The following FAM174A variants were observed in gnomAD, a reference collection of about 807,000 sequenced individuals.
FAM174A encodes the protein membrane protein FAM174A.
In FAM174A, 14 loss-of-function variants were observed where a neutral mutation model predicts 14.3. That is an observed-to-expected ratio of 0.98 (90% confidence interval 0.65 to 1.53). The LOEUF is 1.53. FAM174A is among the 40% of genes most tolerant of loss of function. FAM174A has a pLI of 0.00. For synonymous variants in FAM174A, 108 were observed against 111.4 expected (o/e 0.97, Z 0.19); for missense variants, 241 against 249.6 (o/e 0.97, Z 0.23).
chr5:100,559,005 C>T (rs71544098), intron 1 of FAM174A, among the ~76,000 whole-genome samples: 1 of 151,924 alleles, frequency 6.6e-6, no homozygotes, highest in African/African-American at 2.4e-5. Context: ...TATTCTGCTC[C>T]TTAGTTGATG....
At chr5:100,557,353 G>C (rs1213929558) in intron 1 of FAM174A, among the ~76,000 whole-genome samples, 2 of 152,030 alleles carry the variant, frequency 1.3e-5, no homozygotes, top group African/African-American at 4.8e-5. Flanking sequence ...TTTTATTGAG[G>C]ATTTTTGCAT....
intron 1 of FAM174A, among the ~76,000 whole-genome samples, chr5:100,545,269 T>C (rs1430339341): frequency 6.6e-6 from 1 of 152,246 alleles, no homozygotes; most frequent in African/African-American, 2.4e-5. Flanking sequence ...ATTTGCATTG[T>C]TCAGTATGAT....
chr5:100,566,592 T>G (rs1488575843), intron 2 of FAM174A, among the ~76,000 whole-genome samples: 2 of 151,858 alleles, frequency 1.3e-5, no homozygotes, highest in African/African-American at 4.8e-5. Context: ...TTAAGTGTTC[T>G]TGATACACAC....
chr5:100,548,694 A>G (rs1746207918), intron 1 of FAM174A, among the ~76,000 whole-genome samples: 1 of 152,148 alleles, frequency 6.6e-6, no homozygotes. Flanking sequence ...AAATGAAGGT[A>G]CTTAAGCTAT....
chr5:100,560,410 C>T (rs1000280875), intron 1 of FAM174A, among the ~76,000 whole-genome samples: 4 of 152,086 alleles, frequency 2.6e-5, no homozygotes, highest in Non-Finnish European at 5.9e-5. Flanking sequence ...CTAATATTTA[C>T]TGACCCTTTC....
chr5:100,535,698 G>A lies in FAM174A; in HGVS notation c.168G>A (p.Leu56=), dbSNP rs761188844. ...PDPRPRTLPP[L]PPGPTPAQQP... ...CTAGACCACGGACATTACCGCCGCT[G>A]CCACCGGGCCCTACCCCTGCCCAGC... The change falls in exon 1 of 3, where the codon CTG becomes CTA. Residue 56 remains leucine (L), a synonymous_variant. Coordinates refer to ENST00000312637, the MANE Select transcript of FAM174A (RefSeq NM_198507.3). 6.2e-7 allele frequency: 1 copy of A among 1,608,354 alleles called. No homozygotes were observed. Among genetic ancestry groups the A allele is most frequent in the East Asian group, 2.2e-5 (1 of 44,828 alleles).
At chr5:100,549,588 A>T (rs1342362582) in intron 1 of FAM174A, among the ~76,000 whole-genome samples, 2 of 151,888 alleles carry the variant, frequency 1.3e-5, no homozygotes, top group Non-Finnish European at 2.9e-5. Context: ...TGTCCTGAAC[A>T]TACATGAACA....
At chr5:100,577,409 C>T (rs1298606331) in intron 2 of FAM174A, among the ~76,000 whole-genome samples, 1 of 152,048 alleles carries the variant, frequency 6.6e-6, no homozygotes, top group Non-Finnish European at 1.5e-5. Context: ...TGTTATGCTT[C>T]ATTAAATATA....
Position 100,535,711 on chromosome 5 carries a change from A to G in FAM174A, c.181A>G (p.Thr61Ala). 5 of 1,605,994 alleles carry G rather than the reference A, an allele frequency of 3.1e-6. No individual in the cohort carries two copies. Among genetic ancestry groups the G allele is most frequent in the Non-Finnish European group, 4.2e-6 (5 of 1,177,664 alleles). ...RTLPPLPPGP[T>A]PAQQPGRGLA... ...ATTACCGCCGCTGCCACCGGGCCCT[A>G]CCCCTGCCCAGCAGCCGGGCCGTGG... The change falls in exon 1 of 3, where the codon ACC becomes GCC. Residue 61 changes from threonine (T) to alanine (A), a missense_variant. By Grantham distance (58) the Thr-to-Ala change is moderately conservative. Transcript: ENST00000312637.
chr5:100,545,736 TA>T (rs1363181341), intron 1 of FAM174A, among the ~76,000 whole-genome samples: 1 of 152,178 alleles, frequency 6.6e-6, no homozygotes, highest in Non-Finnish European at 1.5e-5. Context: ...CTCTAGTTAA[TA>T]TGATAGTTTT....
At chr5:100,540,131 A>G (rs1215453676) in intron 1 of FAM174A, among the ~76,000 whole-genome samples, 1 of 152,032 alleles carries the variant, frequency 6.6e-6, no homozygotes, top group Non-Finnish European at 1.5e-5. Context: ...TTTAATCACC[A>G]TTTCTCTTTT....
At chr5:100,572,399 G>A (rs189921678) in intron 2 of FAM174A, among the ~76,000 whole-genome samples, 8,783 of 68,520 alleles carry the variant, frequency 0.13, 434 homozygotes, top group African/African-American at 0.24. Flanking sequence ...TATCCCTCCC[G>A]CCTCCCCCCA....
chr5:100,556,169 A>C (rs1402372212), intron 1 of FAM174A, among the ~76,000 whole-genome samples: 2 of 152,198 alleles, frequency 1.3e-5, no homozygotes, highest in African/African-American at 4.8e-5. Context: ...ATGGCTAGCC[A>C]GTTTTCCCAG....
rs958063506 is a variant in FAM174A at position 100,552,451 on chromosome 5, A to T, written c.435-9603A>T. ...GCTATAAAAGAAATTAAGGAATAATATTACCCTACAGATGCTTAGTTAAAA... is the reference window on the plus strand; with the variant it reads ...GCTATAAAAGAAATTAAGGAATAATTTTACCCTACAGATGCTTAGTTAAAA... On this transcript the variant is annotated intron_variant, in intron 1 of 2. Coordinates refer to ENST00000312637, the MANE Select transcript of FAM174A (RefSeq NM_198507.3). 8.5e-5 allele frequency among the ~76,000 whole-genome samples: 13 copies of T among 152,114 alleles called. No homozygotes were observed. The East Asian group carries it at 2.5e-3, about 29-fold the overall frequency.
intron 1 of FAM174A, among the ~76,000 whole-genome samples, chr5:100,560,249 A>G (rs1447225573): frequency 6.6e-6 from 1 of 152,054 alleles, no homozygotes; most frequent in African/African-American, 2.4e-5. Context: ...TTATAGAGAA[A>G]GTTTAGACCT....
chr5:100,542,115 A>G (rs1301470678), intron 1 of FAM174A, among the ~76,000 whole-genome samples: 3 of 152,096 alleles, frequency 2.0e-5, no homozygotes, highest in Non-Finnish European at 4.4e-5. Flanking sequence ...TCACCTCCCA[A>G]CTGACAGTGT....
intron 2 of FAM174A, among the ~76,000 whole-genome samples, chr5:100,567,290 A>T (rs974317022): frequency 2.0e-5 from 3 of 148,006 alleles, no homozygotes; most frequent in African/African-American, 8.0e-5. Flanking sequence ...TTTATCTAAC[A>T]AATGAATGAT....
rs149147039 is a variant in FAM174A, at chr5:100,586,462, C to T, written c.*278C>T. On this transcript the variant is annotated 3_prime_UTR_variant, in exon 3 of 3. Coordinates refer to ENST00000312637, the MANE Select transcript of FAM174A (RefSeq NM_198507.3). ...TTACTATAAAACGGTGTTTTCTGAT[C>T]GGTTTTTGTTTCCTGCTTACCATAT... The T allele has an allele frequency of 1.1e-4, 25 of 221,870 alleles. 1 individual carries two copies. Among genetic ancestry groups the T allele is most frequent in the East Asian group, 4.1e-4 (5 of 12,054 alleles). 13.7% of individuals were successfully genotyped at this position (221,870 alleles called of 1,614,324 possible). A position where few individuals can be genotyped will look rare whatever the true frequency, so the allele number is the denominator to read the frequency against.
chr5:100,539,862 A>T (rs976979524), intron 1 of FAM174A, among the ~76,000 whole-genome samples: 4 of 152,224 alleles, frequency 2.6e-5, no homozygotes, highest in African/African-American at 7.2e-5. Flanking sequence ...TTTAAAACAC[A>T]TGATTTTGTT....
Sources: gnomAD v4.1 joint callset for allele counts (sites outside exome capture counted in the v4.1 genomes callset) on GRCh38, gnomAD v4.1.1 for gene constraint, MANE v1.5 for transcripts, NCBI Gene and HGNC (gene_info 2026-07-23, HGNC 2026-07-21) for gene names.